Variants in SDHAF4 observed in about 807,000 individuals in gnomAD.
SDHAF4 encodes succinate dehydrogenase complex assembly factor 4.
In SDHAF4, 14 loss-of-function variants were observed where a neutral mutation model predicts 14.3. The observed-to-expected ratio is 0.98, with a 90% CI of 0.65 to 1.53. The LOEUF is 1.53. Among genes scored for constraint, SDHAF4 ranks in the 40% most tolerant of loss-of-function variants. The pLI is 0.00. For synonymous variants in SDHAF4, 63 were observed against 47.3 expected (o/e 1.33, Z -1.36); for missense variants, 141 against 129.3 (o/e 1.09, Z -0.44).
intron 1 of SDHAF4, among the ~76,000 whole-genome samples, chr6:70,578,856 CTTTT>C (rs1562056979): frequency 6.6e-6 from 1 of 151,916 alleles, no homozygotes; most frequent in Admixed American, 6.6e-5. Context: ...ATAAAACAAT[CTTTT>C]TTTAGAGACA....
chr6:70,571,674 C>G (rs1460143818), intron 1 of SDHAF4, among the ~76,000 whole-genome samples: 8 of 152,204 alleles, frequency 5.3e-5, no homozygotes, highest in Non-Finnish European at 1.0e-4. Context: ...ATTCTACTCA[C>G]TCTTTTCCCT....
rs117378993 is a variant in SDHAF4 at position 70,576,436 on chromosome 6, C to T, written c.65-2978C>T. 3.6e-4 allele frequency among the ~76,000 whole-genome samples: 55 copies of T among 152,316 alleles called. No individual in the cohort carries two copies. The East Asian group carries it at 7.9e-3, about 22-fold the overall frequency. On this transcript the variant is annotated intron_variant, in intron 1 of 2. Coordinates refer to ENST00000370474, the MANE Select transcript of SDHAF4 (RefSeq NM_145267.3). ...CTCCAACTTACACTTTGCTCCTCCT[C>T]GCTTTCCCCAAGACACAGTTTTCTG...
chr6:70,572,553 A>G (rs1480448920), intron 1 of SDHAF4, among the ~76,000 whole-genome samples: 2 of 152,190 alleles, frequency 1.3e-5, no homozygotes, highest in Admixed American at 6.5e-5. Flanking sequence ...ATATTTATCA[A>G]TTAAAAAATG....
chr6:70,575,737 GAGTC>G (rs1802246986), intron 1 of SDHAF4, among the ~76,000 whole-genome samples: 1 of 151,846 alleles, frequency 6.6e-6, no homozygotes, highest in Non-Finnish European at 1.5e-5. Flanking sequence ...GAGAGAGAGA[GAGTC>G]ATTCTTTTGC....
At chr6:70,593,158 C>A (rs192427297), downstream of SDHAF4, among the ~76,000 whole-genome samples, 17 of 152,336 alleles carry the variant, frequency 1.1e-4, no homozygotes, top group Non-Finnish European at 1.5e-4. Flanking sequence ...GCAGCACTGT[C>A]CAGTGATGCA....
intron 1 of SDHAF4, among the ~76,000 whole-genome samples, chr6:70,572,808 C>CTG (rs978188081): frequency 2.1e-4 from 32 of 151,886 alleles, no homozygotes; most frequent in African/African-American, 7.0e-4. Context: ...ACTCGTGGGT[C>CTG]TGTGTGTGTG....
intron 1 of SDHAF4, among the ~76,000 whole-genome samples, chr6:70,571,013 G>GA (rs1027671577): frequency 1.0e-4 from 15 of 148,584 alleles, no homozygotes; most frequent in African/African-American, 2.2e-4. Context: ...CATGGAACAT[G>GA]AAAAAAAAAA....
rs145518175 is a variant in SDHAF4 at position 70,581,980 on chromosome 6, C to T, written c.217+2414C>T. Among the ~76,000 whole-genome samples, 38 of 152,292 alleles carry T rather than the reference C, an allele frequency of 2.5e-4. No individual in the cohort carries two copies. In the East Asian group the frequency reaches 6.9e-3, roughly 28 times the overall value. ...GGCTCCTTTTTGAGCTCCTCTGCCTCCGCCCAACACCTAAATGTGGGTATT... is the reference window on the plus strand; with the variant it reads ...GGCTCCTTTTTGAGCTCCTCTGCCTTCGCCCAACACCTAAATGTGGGTATT... On this transcript the variant is annotated intron_variant, in intron 2 of 2. Transcript: ENST00000370474.
chr6:70,569,371 C>G (rs186426643), intron 1 of SDHAF4, among the ~76,000 whole-genome samples: 1 of 151,964 alleles, frequency 6.6e-6, no homozygotes, highest in South Asian at 2.1e-4. Flanking sequence ...TGAGTTCAAA[C>G]GATTCTCCTG....
chr6:70,582,438 G>A (rs1020919684), intron 2 of SDHAF4, among the ~76,000 whole-genome samples: 2 of 152,110 alleles, frequency 1.3e-5, no homozygotes, highest in African/African-American at 4.8e-5. Flanking sequence ...TCGTTCCTGA[G>A]CATCACTCTC....
At chr6:70,582,529 C>T (rs140976699) in intron 2 of SDHAF4, among the ~76,000 whole-genome samples, 3 of 152,238 alleles carry the variant, frequency 2.0e-5, no homozygotes, top group East Asian at 3.9e-4. Context: ...CTAAAGTCAT[C>T]GTGTACCCAT....
intron 1 of SDHAF4, 92 bp downstream of exon 1, chr6:70,567,096 GT>G: frequency 7.7e-7 from 1 of 1,293,910 alleles, no homozygotes; most frequent in Non-Finnish European, 1.1e-6. Context: ...AGCCGCGTGT[GT>G]CCTGGCCGTT....
downstream of SDHAF4, among the ~76,000 whole-genome samples, chr6:70,589,962 A>C (rs1480301405): frequency 6.6e-6 from 1 of 152,120 alleles, no homozygotes; most frequent in African/African-American, 2.4e-5. Context: ...CAAAGTAAAA[A>C]GTACATATTC....
chr6:70,583,820 T>C (rs73482209), intron 2 of SDHAF4, among the ~76,000 whole-genome samples: 5,650 of 152,286 alleles, frequency 0.037, 274 homozygotes, highest in African/African-American at 0.11. Context: ...AGGCTTGGAT[T>C]AATTGAATAT....
intron 2 of SDHAF4, among the ~76,000 whole-genome samples, chr6:70,585,814 A>T (rs190940533): frequency 2.9e-5 from 4 of 136,678 alleles, no homozygotes; most frequent in Non-Finnish European, 6.4e-5. Context: ...TAAATTCTGT[A>T]TCCTTTTTCT....
intron 1 of SDHAF4, 130 bp from the exon 2 acceptor site, chr6:70,579,284 G>C (rs980592337): frequency 7.1e-6 from 5 of 708,560 alleles, no homozygotes; most frequent in Non-Finnish European, 1.0e-5. Context: ...TTCACTCTGC[G>C]TCCTTTTGTA....
intron 1 of SDHAF4, among the ~76,000 whole-genome samples, chr6:70,570,096 CTATT>C (rs1802160514): frequency 6.6e-6 from 1 of 152,044 alleles, no homozygotes; most frequent in African/African-American, 2.4e-5. Flanking sequence ...TCCCATTGAC[CTATT>C]TGTCTATTCC....
the SDHAF4 span, chr6:70,596,380 C>G: frequency 6.6e-6 from 1 of 152,216 alleles, no homozygotes; most frequent in East Asian, 1.9e-4. Context: ...AAACATGCTA[C>G]TGTCTGAGAT....
chr6:70,575,100 T>C (rs1802236094), intron 1 of SDHAF4, among the ~76,000 whole-genome samples: 1 of 152,170 alleles, frequency 6.6e-6, no homozygotes, highest in Non-Finnish European at 1.5e-5. Flanking sequence ...CAAGAAGGCT[T>C]TGCACCATGG....
Sources: gnomAD v4.1 joint callset for allele counts (sites outside exome capture counted in the v4.1 genomes callset) on GRCh38, gnomAD v4.1.1 for gene constraint, MANE v1.5 for transcripts, NCBI Gene and HGNC (gene_info 2026-07-23, HGNC 2026-07-21) for gene names.